Variants in SNTG2 observed in about 807,000 individuals in gnomAD.
The protein encoded by SNTG2 is gamma-2-syntrophin.
A neutral mutation model predicts 70.9 loss-of-function variants in SNTG2; 74 were observed. That is an observed-to-expected ratio of 1.04 (90% confidence interval 0.86 to 1.27). The LOEUF is 1.27. Among genes scored for constraint, SNTG2 ranks in the 50% most tolerant of loss-of-function variants. SNTG2 has a pLI of 0.00. For synonymous variants in SNTG2, 278 were observed against 273.8 expected (o/e 1.02, Z -0.15); for missense variants, 717 against 690.7 (o/e 1.04, Z -0.43).
At chr2:1,316,201 C>T (rs1343348746) in intron 15 of SNTG2, 64 bp from the exon 16 acceptor site, 13 of 754,066 alleles carry the variant, frequency 1.7e-5, no homozygotes, top group Non-Finnish European at 2.9e-5. Flanking sequence ...AATGTAGTAA[C>T]AGATGCTAAT....
chr2:1,061,554 A>G (rs556738700), intron 1 of SNTG2, among the ~76,000 whole-genome samples: 39 of 152,216 alleles, frequency 2.6e-4, no homozygotes, highest in Non-Finnish European at 5.1e-4. Context: ...TCTCTTCTGT[A>G]ATGCAACCCA....
chr2:1,155,447 A>G (rs1355654882), intron 6 of SNTG2, among the ~76,000 whole-genome samples: 1 of 151,110 alleles, frequency 6.6e-6, no homozygotes, highest in Non-Finnish European at 1.5e-5. Context: ...ACATATGTAC[A>G]CACACACCAG....
chr2:1,258,230 C>G (rs574115766), intron 12 of SNTG2, among the ~76,000 whole-genome samples: 16 of 152,290 alleles, frequency 1.1e-4, no homozygotes, highest in Admixed American at 9.2e-4. Flanking sequence ...CCCCAGCTCT[C>G]AAGAGAAGGG....
chr2:1,362,695 C>T (rs112126797), intron 16 of SNTG2, among the ~76,000 whole-genome samples: 19 of 151,522 alleles, frequency 1.3e-4, no homozygotes, highest in African/African-American at 4.6e-4. Context: ...TGAAGGTCAC[C>T]GACGCTGAGC....
chr2:1,247,242 T>A, intron 11 of SNTG2, 85 bp from the exon 12 acceptor site: 1 of 803,496 alleles, frequency 1.2e-6, no homozygotes, highest in Non-Finnish European at 2.1e-6. Context: ...CCTGATGGGA[T>A]CATGGCTTGC....
chr2:1,086,891 A>G (rs1389843733), intron 2 of SNTG2, among the ~76,000 whole-genome samples: 2 of 152,148 alleles, frequency 1.3e-5, no homozygotes, highest in Admixed American at 1.3e-4. Flanking sequence ...CCTGAAATGA[A>G]CCTCCATGAA....
chr2:1,202,192 T>C (rs1003108362), intron 8 of SNTG2, among the ~76,000 whole-genome samples: 4 of 152,068 alleles, frequency 2.6e-5, no homozygotes, highest in African/African-American at 9.7e-5. Context: ...GTTTCTTTTC[T>C]CAGTTTTCTT....
At chr2:1,171,242 G>A (rs766843808) in intron 7 of SNTG2, among the ~76,000 whole-genome samples, 22 of 152,108 alleles carry the variant, frequency 1.4e-4, no homozygotes, top group Non-Finnish European at 2.9e-4. Flanking sequence ...CTATTCATCA[G>A]AAATAAATTT....
chr2:1,255,813 G>A (rs1406138122), intron 12 of SNTG2, among the ~76,000 whole-genome samples: 15 of 110,078 alleles, frequency 1.4e-4, no homozygotes, highest in Admixed American at 1.3e-3. Context: ...TATACACAAA[G>A]TTGTATGTAT....
chr2:1,120,642 T>C (rs9631079), intron 4 of SNTG2, among the ~76,000 whole-genome samples: 87,279 of 151,948 alleles, frequency 0.57, 26,062 homozygotes, highest in African/African-American at 0.72. Flanking sequence ...TAAATCAAAC[T>C]GGTCACAAGA....
chr2:1,071,388 A>G (rs542196710), intron 1 of SNTG2, among the ~76,000 whole-genome samples: 2 of 149,878 alleles, frequency 1.3e-5, no homozygotes, highest in African/African-American at 4.9e-5. Flanking sequence ...ATTCTCAGTA[A>G]ACTATCGCAA....
At chr2:1,247,171 C>T (rs1313026268) in intron 11 of SNTG2, among the ~76,000 whole-genome samples, 156 bp from the exon 12 acceptor site, 1 of 152,200 alleles carries the variant, frequency 6.6e-6, no homozygotes, top group African/African-American at 2.4e-5. Flanking sequence ...ATTGTGTGAA[C>T]TTGATTTGGA....
intron 4 of SNTG2, among the ~76,000 whole-genome samples, chr2:1,121,999 C>G (rs1572495748): frequency 6.6e-6 from 1 of 152,252 alleles, no homozygotes; most frequent in Non-Finnish European, 1.5e-5. Context: ...GAAAATTGGA[C>G]TACCTAGAGG....
At chr2:986,879 TA>T (rs1286332718) in intron 1 of SNTG2, among the ~76,000 whole-genome samples, 1 of 152,270 alleles carries the variant, frequency 6.6e-6, no homozygotes, top group African/African-American at 2.4e-5. Flanking sequence ...AACTACGGGC[TA>T]AATTTTATAG....
intron 9 of SNTG2, among the ~76,000 whole-genome samples, chr2:1,213,438 CA>C (rs1313145530): frequency 6.6e-6 from 1 of 152,082 alleles, no homozygotes; most frequent in East Asian, 1.9e-4. Flanking sequence ...AAATAAAGAC[CA>C]AAACACTTCA....
intron 4 of SNTG2, among the ~76,000 whole-genome samples, chr2:1,104,815 CT>C (rs1188871091): frequency 6.6e-6 from 1 of 152,202 alleles, no homozygotes; most frequent in East Asian, 1.9e-4. Context: ...CTCCCAGTAT[CT>C]TTCCGTCCTC....
At chr2:1,270,984 C>T (rs1678989137) in intron 14 of SNTG2, among the ~76,000 whole-genome samples, 1 of 152,218 alleles carries the variant, frequency 6.6e-6, no homozygotes, top group African/African-American at 2.4e-5. Context: ...TGGATCTAAA[C>T]TGATGACATT....
intron 1 of SNTG2, among the ~76,000 whole-genome samples, chr2:1,070,527 A>G (rs1366763688): frequency 1.3e-5 from 2 of 152,164 alleles, no homozygotes; most frequent in South Asian, 2.1e-4. Flanking sequence ...TATCGTTTCA[A>G]TGTTTGCCTC....
At chr2:1,161,147 T>TC (rs1292824008) in intron 6 of SNTG2, 3 of 152,480 alleles carry the variant, frequency 2.0e-5, no homozygotes, top group African/African-American at 7.2e-5. Flanking sequence ...AGGCCAGGCA[T>TC]GGTGGCTCAC....
Sources: gnomAD v4.1 joint callset for allele counts (sites outside exome capture counted in the v4.1 genomes callset) on GRCh38, gnomAD v4.1.1 for gene constraint, MANE v1.5 for transcripts, NCBI Gene and HGNC (gene_info 2026-07-23, HGNC 2026-07-21) for gene names.